PPIP5K2: variants seen among roughly 807,000 people sequenced by gnomAD.
PPIP5K2 encodes inositol hexakisphosphate and diphosphoinositol-pentakisphosphate kinase 2.
PPIP5K2 carries 105 observed loss-of-function variants against 154.6 expected under a neutral mutation model. That is an observed-to-expected ratio of 0.68 (90% CI 0.58 to 0.80). The LOEUF (loss-of-function observed/expected upper bound fraction) is 0.80. Ranked by LOEUF, PPIP5K2 falls within the 30% of genes least tolerant of loss-of-function variation. PPIP5K2 has a pLI of 0.00. For synonymous variants in PPIP5K2, 480 were observed against 490.3 expected (o/e 0.98, Z 0.28); for missense variants, 992 against 1,504.6 (o/e 0.66, Z 5.64).
At chr5:103,189,291 T>C in intron 28 of PPIP5K2, 1 of 1,253,980 alleles carries the variant, frequency 8.0e-7, no homozygotes, top group Non-Finnish European at 1.1e-6. Flanking sequence ...GCTAACCCTT[T>C]CATTGTGCAT....
Position 103,201,587 on chromosome 5 carries a change from A to C in PPIP5K2, c.3685A>C (p.Lys1229Gln). 2.5e-6 allele frequency: 4 copies of C among 1,611,334 alleles called. No individual in the cohort carries two copies. The South Asian group carries it at 3.3e-5, about 13-fold the overall frequency. ...ATCTCGGAAAAAGAATATAACTAGC[A>C]AAACAGAAACGCATGAACACAAAAA... ...TSSRKKNITS[K>Q]TETHEHKKNT... The change falls in exon 31 of 31, where the codon AAA becomes CAA. Residue 1229 changes from lysine to glutamine, a missense_variant. Around this residue, in one of 9 missense-constraint regions of PPIP5K2, gnomAD observed 131 missense variants for 117.8 expected, o/e 1.11. Transcript: ENST00000358359.
Position 103,186,419 on chromosome 5 carries a change from C to T in PPIP5K2, c.3269C>T (p.Thr1090Ile). 2 of 1,613,916 alleles carry T rather than the reference C, an allele frequency of 1.2e-6. No homozygotes were observed. The highest frequency in any genetic ancestry group is 2.2e-5 in the South Asian group (2 of 91,078). Residue 1090 changes from threonine to isoleucine, a missense_variant, in exon 27 of 31, where the codon ACC becomes ATC. This residue lies in a region of PPIP5K2 where 204 missense variants were observed against 224.0 expected (regional missense o/e 0.91). Coordinates refer to ENST00000358359, the MANE Select transcript of PPIP5K2 (RefSeq NM_001276277.3). The part of the protein sequence containing the change: ...DYARTHRKKL[T>I]SSGCIDDATR... ...GCTCGTACTCATCGTAAAAAGCTGA[C>T]CTCTTCTGGCTGCATAGATGGTATG...
Position 103,158,491 on chromosome 5 carries a change from T to A in PPIP5K2, c.1655T>A (p.Leu552Ter). Residue 552 changes from leucine (L) to a stop codon, truncating the protein, a stop_gained, in exon 16 of 31, where the codon TTA becomes TAA. Coordinates refer to ENST00000358359, the MANE Select transcript of PPIP5K2 (RefSeq NM_001276277.3). LOFTEE classifies it high-confidence loss of function. ...AGFPGCGLLRLHSTYRHDLKI... is the reference protein window; with the variant it reads ...AGFPGCGLLR Reference sequence around the variant, plus strand: ...TTTCCTGGTTGTGGTTTACTTAGATTACATAGCACCTACAGACATGACCTC... The same window carrying A: ...TTTCCTGGTTGTGGTTTACTTAGATAACATAGCACCTACAGACATGACCTC... 6.2e-7 allele frequency: 1 copy of A among 1,612,422 alleles called. No homozygotes were observed. The highest frequency in any genetic ancestry group is 2.2e-5 in the East Asian group (1 of 44,868).
At chr5:103,181,744 A>T (rs1554222973) in intron 24 of PPIP5K2, among the ~76,000 whole-genome samples, 1 of 152,136 alleles carries the variant, frequency 6.6e-6, no homozygotes, top group African/African-American at 2.4e-5. Context: ...GGTGAGAATA[A>T]AAACAATGAA....
chr5:103,190,623 A>G (rs1464892693), intron 28 of PPIP5K2, among the ~76,000 whole-genome samples: 2 of 151,896 alleles, frequency 1.3e-5, no homozygotes, highest in East Asian at 1.9e-4. Flanking sequence ...TGCATGCGAT[A>G]CTACGTGATT....
At position 103,210,107 on chromosome 5, in the gene PPIP5K2, AAG is replaced by A. The variant is rs1322214023; in HGVS notation, c.*8479_*8480del. ...CGGTGAAATAGATGTAAAAGCCACAAAGAGAGAATCAATGAGCCACACTCATA... is the reference window on the plus strand; with the variant it reads ...CGGTGAAATAGATGTAAAAGCCACAAAGAGAATCAATGAGCCACACTCATA... On this transcript the variant is annotated 3_prime_UTR_variant, in exon 31 of 31. Transcript: ENST00000358359. 6.6e-6 allele frequency: 1 copy of A among 152,214 alleles called. No homozygotes were observed. Among genetic ancestry groups the A allele is most frequent in the Non-Finnish European group, 1.5e-5 (1 of 68,026 alleles). 9.4% of individuals were successfully genotyped at this position (152,214 alleles called of 1,614,324 possible).
intron 29 of PPIP5K2, among the ~76,000 whole-genome samples, chr5:103,192,052 C>G (rs1801327099): frequency 6.6e-6 from 1 of 151,978 alleles, no homozygotes; most frequent in African/African-American, 2.4e-5. Context: ...GCTCTATTCT[C>G]TTTATATTTT....
intron 13 of PPIP5K2, 33 bp from the exon 14 acceptor site, chr5:103,155,876 A>G (rs782436204): frequency 3.0e-5 from 41 of 1,360,946 alleles, no homozygotes; most frequent in Non-Finnish European, 4.2e-5. Context: ...TTTTCCCTAC[A>G]TGTTCTATTC....
chr5:103,171,524 A>G (rs897517646), intron 19 of PPIP5K2, among the ~76,000 whole-genome samples: 1 of 151,568 alleles, frequency 6.6e-6, no homozygotes, highest in Non-Finnish European at 1.5e-5. Flanking sequence ...GAAACTACAT[A>G]TGAGGACTTG....
At chr5:103,168,390 T>A in intron 19 of PPIP5K2, 95 bp downstream of exon 19, 1 of 920,636 alleles carries the variant, frequency 1.1e-6, no homozygotes. Flanking sequence ...TTTCATGTCC[T>A]TGGAAAACCA....
chr5:103,132,358 G>A lies in PPIP5K2; in HGVS notation c.115-1095G>A, dbSNP rs190142012. On this transcript the variant is annotated intron_variant, in intron 2 of 30. Transcript: ENST00000358359. ...AGATCGAGACCATCCTGGCTAACAC[G>A]ATGAAACCCCATCTCTACTAAAAAT... Among the ~76,000 whole-genome samples, 372 of 152,142 alleles carry A rather than the reference G, an allele frequency of 2.4e-3. 1 individual carries two copies. The highest frequency in any genetic ancestry group is 4.1e-3 in the Non-Finnish European group (281 of 67,984).
chr5:103,130,088 A>G (rs1583198543), intron 2 of PPIP5K2, among the ~76,000 whole-genome samples: 1 of 152,326 alleles, frequency 6.6e-6, no homozygotes, highest in African/African-American at 2.4e-5. Flanking sequence ...ACTTAAATAG[A>G]TTCATTAAGC....
At chr5:103,157,146 T>G (rs1430817426) in intron 14 of PPIP5K2, among the ~76,000 whole-genome samples, 3 of 152,158 alleles carry the variant, frequency 2.0e-5, no homozygotes, top group African/African-American at 7.2e-5. Flanking sequence ...CTCTCACCTT[T>G]AAAGAATGAT....
At chr5:103,174,941 C>T (rs1798478924) in intron 21 of PPIP5K2, among the ~76,000 whole-genome samples, 1 of 152,074 alleles carries the variant, frequency 6.6e-6, no homozygotes, top group South Asian at 2.1e-4. Flanking sequence ...TCACATCTCC[C>T]TCAGTGCCAC....
rs544801070 is a variant in PPIP5K2, at chr5:103,203,354, T to C, written c.*1720T>C. On this transcript the variant is annotated 3_prime_UTR_variant, in exon 31 of 31. Coordinates refer to ENST00000358359, the MANE Select transcript of PPIP5K2 (RefSeq NM_001276277.3). ...GGCTATATACATAGCAATATATTAC[T>C]TTCCAAACTAGAAAGTACAGTACAA... is the stretch of plus-strand genomic sequence containing the variant. 1 of 152,198 alleles carries C rather than the reference T, an allele frequency of 6.6e-6. No individual in the cohort carries two copies. The highest frequency in any genetic ancestry group is 1.5e-5 in the Non-Finnish European group (1 of 68,022). 9.4% of individuals were successfully genotyped at this position (152,198 alleles called of 1,614,324 possible).
At chr5:103,126,012 G>A (rs1267526940) in intron 1 of PPIP5K2, among the ~76,000 whole-genome samples, 4 of 152,048 alleles carry the variant, frequency 2.6e-5, no homozygotes, top group African/African-American at 4.8e-5. Context: ...TTGCTTGCCT[G>A]CTCTGCTCCA....
At chr5:103,182,328 A>G (rs1554223171) in intron 24 of PPIP5K2, among the ~76,000 whole-genome samples, 1 of 152,210 alleles carries the variant, frequency 6.6e-6, no homozygotes. Flanking sequence ...GTTAATCTTT[A>G]AAACGCAAAA....
At position 103,168,259 on chromosome 5, in the gene PPIP5K2, G is replaced by T; in HGVS notation, c.2250G>T (p.Arg750Ser). The part of the protein sequence containing the change: ...LKLENTMELY[R>S]LSKALADIVI... ...TAGAAAACACAATGGAATTATATAGGCTTTCGAAGGCATTAGCAGATATTG... is the reference window on the plus strand; with the variant it reads ...TAGAAAACACAATGGAATTATATAGTCTTTCGAAGGCATTAGCAGATATTG... The change falls in exon 19 of 31, where the codon AGG becomes AGT. Residue 750 changes from arginine to serine, a missense_variant. Coordinates refer to ENST00000358359, the MANE Select transcript of PPIP5K2 (RefSeq NM_001276277.3). The T allele has an allele frequency of 6.2e-7, 1 of 1,608,088 alleles. No homozygotes were observed. The highest frequency in any genetic ancestry group is 1.3e-5 in the African/African-American group (1 of 74,730).
rs1554213160 is a variant in PPIP5K2, at chr5:103,155,934, C to A, written c.1429C>A (p.Arg477Ser). Residue 477 changes from arginine (R) to serine (S), a missense_variant, in exon 14 of 31, where the codon CGT (arginine) becomes AGT (serine). By Grantham distance (110) the Arg-to-Ser change is moderately radical. Coordinates refer to ENST00000358359, the MANE Select transcript of PPIP5K2 (RefSeq NM_001276277.3). ...EMYGHFSGIN[R>S]KVQLTYLPHG... ...GTATGGTCATTTTTCTGGAATAAAT[C>A]GTAAGGTTCAGTTGACCTATCTCCC... is the stretch of plus-strand genomic sequence containing the variant. The A allele has an allele frequency of 6.2e-7, 1 of 1,602,460 alleles. No individual in the cohort carries two copies. Among genetic ancestry groups the A allele is most frequent in the Non-Finnish European group, 8.5e-7 (1 of 1,169,760 alleles).
Sources: allele counts gnomAD v4.1 joint callset (sites outside exome capture counted in the v4.1 genomes callset), GRCh38; gene constraint gnomAD v4.1.1; regional missense constraint gnomAD v4.1.1; transcripts MANE v1.5; gene names NCBI Gene and HGNC (gene_info 2026-07-23, HGNC 2026-07-21).